OTOGL: variants seen among roughly 807,000 people sequenced by gnomAD.
OTOGL encodes otogelin-like protein.
Under a neutral mutation model 318.5 loss-of-function variants are expected in OTOGL, and 285 were observed. The ratio of observed to expected loss-of-function variants is 0.89; its 90% CI spans 0.81 to 0.99. The LOEUF (loss-of-function observed/expected upper bound fraction) is 0.99, where lower values mean the gene tolerates loss of function less well. Ranked by LOEUF, OTOGL falls within the 50% of genes least tolerant of loss-of-function variation. OTOGL has a pLI of 0.00. For missense variants in OTOGL, 2,899 were observed against 2,845.6 expected (o/e 1.02, Z -0.43); for synonymous variants, 987 against 936.5 (o/e 1.05, Z -0.99).
intron 1 of OTOGL, among the ~76,000 whole-genome samples, chr12:80,201,018 G>A (rs1160408833): frequency 6.6e-6 from 1 of 152,156 alleles, no homozygotes; most frequent in Non-Finnish European, 1.5e-5. Context: ...GAAAAATACA[G>A]TAGGTATTGG....
chr12:80,243,387 A>C (rs991430312), intron 11 of OTOGL, among the ~76,000 whole-genome samples: 6 of 152,130 alleles, frequency 3.9e-5, no homozygotes, highest in African/African-American at 1.4e-4. Flanking sequence ...TTCAGAAATC[A>C]TCATTCTCAG....
At chr12:80,249,663 T>C (rs373662782) in intron 11 of OTOGL, among the ~76,000 whole-genome samples, 135 of 152,242 alleles carry the variant, frequency 8.9e-4, no homozygotes, top group South Asian at 3.1e-3. Context: ...CAGAGGCAGG[T>C]AGGCCTCCTT....
intron 1 of OTOGL, among the ~76,000 whole-genome samples, chr12:80,167,964 CT>C (rs1343949205): frequency 1.3e-5 from 2 of 151,532 alleles, no homozygotes; most frequent in African/African-American, 4.9e-5. Context: ...CTTGCCTCTC[CT>C]CTCCTCTCCT....
At chr12:80,152,078 C>T (rs570644366) in intron 1 of OTOGL, among the ~76,000 whole-genome samples, 1 of 152,270 alleles carries the variant, frequency 6.6e-6, no homozygotes, top group South Asian at 2.1e-4. Flanking sequence ...TACATTCCAT[C>T]TTAGAGTCAT....
In OTOGL at chr12:80,180,810, GC is replaced by G. The variant is rs201240204; in HGVS notation, c.-19-28601del. 7.5e-3 allele frequency among the ~76,000 whole-genome samples: 1,148 copies of G among 152,250 alleles called. 11 individuals are homozygous for G. Among genetic ancestry groups the G allele is most frequent in the Middle Eastern group, 0.017 (5 of 294 alleles). ...TAATTTTCAGGAATTAAACCAAGGT[GC>G]CATGAGCTTGTATAAGGTTATGTAT... On this transcript the variant is annotated intron_variant, in intron 1 of 58. Coordinates refer to ENST00000547103, the MANE Select transcript of OTOGL (RefSeq NM_001378609.3).
At chr12:80,165,984 T>C (rs11114340) in intron 1 of OTOGL, among the ~76,000 whole-genome samples, 57,389 of 152,106 alleles carry the variant, frequency 0.38, 12,629 homozygotes, top group Admixed American at 0.52. Flanking sequence ...AATATGTGAA[T>C]TGAGAGACAG....
chr12:80,166,586 A>C (rs1189139783), intron 1 of OTOGL, among the ~76,000 whole-genome samples: 3 of 152,170 alleles, frequency 2.0e-5, no homozygotes, highest in Admixed American at 6.6e-5. Context: ...AAGTAAGTTC[A>C]TTTCCATTCC....
intron 19 of OTOGL, among the ~76,000 whole-genome samples, chr12:80,263,028 G>A (rs1882674324): frequency 1.3e-5 from 2 of 152,032 alleles, no homozygotes; most frequent in African/African-American, 4.8e-5. Flanking sequence ...TATTAACATA[G>A]GATTCTGGTA....
intron 35 of OTOGL, among the ~76,000 whole-genome samples, chr12:80,328,276 G>A (rs923491662): frequency 4.6e-5 from 7 of 152,000 alleles, no homozygotes; most frequent in African/African-American, 1.2e-4. Flanking sequence ...CCAAGGTCGC[G>A]TCACTACACT....
intron 1 of OTOGL, among the ~76,000 whole-genome samples, chr12:80,152,536 T>C (rs1872848284): frequency 6.6e-6 from 1 of 152,150 alleles, no homozygotes; most frequent in Non-Finnish European, 1.5e-5. Flanking sequence ...CATCCCACAG[T>C]GCTGTAGGAA....
intron 26 of OTOGL, among the ~76,000 whole-genome samples, chr12:80,295,301 C>G (rs895969437): frequency 6.6e-6 from 1 of 151,666 alleles, no homozygotes; most frequent in Non-Finnish European, 1.5e-5. Context: ...CTCAGCCTCC[C>G]GAGTAGCTGG....
At chr12:80,320,113 C>T (rs1294733466) in intron 33 of OTOGL, among the ~76,000 whole-genome samples, 4 of 151,960 alleles carry the variant, frequency 2.6e-5, no homozygotes, top group Non-Finnish European at 5.9e-5. Context: ...TGAAATTGTA[C>T]ATTCTGGAGT....
intron 4 of OTOGL, among the ~76,000 whole-genome samples, chr12:80,212,991 T>C (rs1046607802): frequency 1.3e-5 from 2 of 152,234 alleles, no homozygotes; most frequent in African/African-American, 2.4e-5. Flanking sequence ...AAGAAAGAAT[T>C]TGGGGCAAGT....
intron 26 of OTOGL, among the ~76,000 whole-genome samples, chr12:80,282,612 T>A (rs1884318133): frequency 6.6e-6 from 1 of 151,846 alleles, no homozygotes; most frequent in East Asian, 1.9e-4. Flanking sequence ...TCTCTAAGTA[T>A]CTTCTTTGAA....
chr12:80,261,270 G>A (rs1013625095), intron 18 of OTOGL, among the ~76,000 whole-genome samples: 1 of 152,086 alleles, frequency 6.6e-6, no homozygotes, highest in Non-Finnish European at 1.5e-5. Context: ...TTTTGATAGT[G>A]TCTGGCACAT....
intron 19 of OTOGL, 137 bp downstream of exon 19, chr12:80,262,230 T>G (rs570465055): frequency 1.6e-6 from 1 of 626,536 alleles, no homozygotes; most frequent in Non-Finnish European, 2.2e-6. Context: ...TCCTCGTGTA[T>G]TTTTTTTTTG....
intron 29 of OTOGL, among the ~76,000 whole-genome samples, chr12:80,308,387 G>T (rs1886376191): frequency 6.6e-6 from 1 of 151,644 alleles, no homozygotes; most frequent in African/African-American, 2.4e-5. Context: ...GGGCAGAGGT[G>T]CTCCCCACAT....
chr12:80,268,090 C>G (rs1179324264), intron 22 of OTOGL, among the ~76,000 whole-genome samples: 1 of 152,088 alleles, frequency 6.6e-6, no homozygotes, highest in Non-Finnish European at 1.5e-5. Flanking sequence ...AACACTCATT[C>G]TGGTTATAAA....
At chr12:80,268,935 G>GA (rs777180146) in intron 22 of OTOGL, among the ~76,000 whole-genome samples, 4 of 149,576 alleles carry the variant, frequency 2.7e-5, no homozygotes, top group African/African-American at 7.4e-5. Context: ...CCTCCTCAAT[G>GA]AAAAAAAATC....
Sources: allele counts gnomAD v4.1 joint callset (sites outside exome capture counted in the v4.1 genomes callset), GRCh38; gene constraint gnomAD v4.1.1; transcripts MANE v1.5; gene names NCBI Gene and HGNC (gene_info 2026-07-23, HGNC 2026-07-21).